The following ANKRD22 variants were observed in gnomAD, a reference collection of about 807,000 sequenced individuals.
ANKRD22 encodes the protein ankyrin repeat domain-containing protein 22.
Under a neutral mutation model 25.7 loss-of-function variants are expected in ANKRD22, and 24 were observed. The observed-to-expected ratio is 0.93, with a 90% confidence interval of 0.68 to 1.31. ANKRD22 has a LOEUF of 1.31. Among genes scored for constraint, ANKRD22 ranks in the 50% most tolerant of loss-of-function variants. ANKRD22 has a pLI of 0.00. For missense variants in ANKRD22, 214 were observed against 227.1 expected (o/e 0.94, Z 0.37); for synonymous variants, 84 against 84.3 (o/e 1.00, Z 0.02).
At position 88,822,940 on chromosome 10, in the gene ANKRD22, A is replaced by G; in HGVS notation, c.*1T>C. 1 of 1,606,788 alleles carries G rather than the reference A, an allele frequency of 6.2e-7. No individual in the cohort carries two copies. ...TATCTCCATCGGTGTGGTCACAAGG[A>G]TTACAATGCTTTCCTTAGCATTAAT... On this transcript the variant is annotated 3_prime_UTR_variant, in exon 6 of 6. Coordinates refer to ENST00000371930, the MANE Select transcript of ANKRD22 (RefSeq NM_144590.3).
At chr10:88,826,375 A>C (rs899364470) in intron 3 of ANKRD22, among the ~76,000 whole-genome samples, 1 of 152,154 alleles carries the variant, frequency 6.6e-6, no homozygotes, top group Non-Finnish European at 1.5e-5. Flanking sequence ...CCCCAAACCT[A>C]CCTAATTCCA....
intron 1 of ANKRD22, among the ~76,000 whole-genome samples, chr10:88,848,363 A>AT (rs1844073115): frequency 6.6e-6 from 1 of 151,968 alleles, no homozygotes; most frequent in South Asian, 2.1e-4. Context: ...GAAAGTTATC[A>AT]TTTTCTCTCT....
chr10:88,823,160 T>C, intron 5 of ANKRD22, 120 bp downstream of exon 5: 1 of 1,231,058 alleles, frequency 8.1e-7, no homozygotes. Context: ...CATTCCTTAA[T>C]GAGGATGATT....
At position 88,822,377 on chromosome 10, in the gene ANKRD22, T is replaced by C. The variant is rs1281159483; in HGVS notation, c.*564A>G. On this transcript the variant is annotated 3_prime_UTR_variant, in exon 6 of 6. Coordinates refer to ENST00000371930, the MANE Select transcript of ANKRD22 (RefSeq NM_144590.3). ...CATACGTATTTAATAATTTGATTCT[T>C]CTGCTCAATACTCAAAGGGGGCTGG... 1.3e-5 allele frequency: 2 copies of C among 152,064 alleles called. No homozygotes were observed. The highest frequency in any genetic ancestry group is 4.8e-5 in the African/African-American group (2 of 41,330). 9.4% of individuals were successfully genotyped at this position (152,064 alleles called of 1,614,324 possible).
chr10:88,838,824 G>A (rs746523331), intron 1 of ANKRD22, among the ~76,000 whole-genome samples: 9 of 152,168 alleles, frequency 5.9e-5, no homozygotes, highest in Non-Finnish European at 1.0e-4. Context: ...GCCACCATAA[G>A]AGAAGGTGTC....
At chr10:88,843,545 G>A (rs141803525) in intron 1 of ANKRD22, among the ~76,000 whole-genome samples, 14 of 152,248 alleles carry the variant, frequency 9.2e-5, no homozygotes, top group Non-Finnish European at 8.8e-5. Context: ...TTACTTTAGT[G>A]GCACCAATTA....
intron 1 of ANKRD22, among the ~76,000 whole-genome samples, chr10:88,844,835 T>A (rs1179461591): frequency 1.3e-5 from 2 of 152,150 alleles, no homozygotes; most frequent in African/African-American, 4.8e-5. Flanking sequence ...GTAGAAGGCA[T>A]ATACAAATAA....
intron 1 of ANKRD22, among the ~76,000 whole-genome samples, chr10:88,844,820 A>G (rs1167982394): frequency 6.6e-6 from 1 of 152,164 alleles, no homozygotes. Context: ...ATAAAAGCTT[A>G]TATTGTAGAA....
intron 4 of ANKRD22, among the ~76,000 whole-genome samples, chr10:88,824,749 A>C (rs1165496765): frequency 6.6e-6 from 1 of 152,218 alleles, no homozygotes; most frequent in African/African-American, 2.4e-5. Context: ...ATTGCTGAGA[A>C]AATATCCTAG....
At chr10:88,829,506 T>A (rs551375644) in intron 2 of ANKRD22, among the ~76,000 whole-genome samples, 27 of 152,376 alleles carry the variant, frequency 1.8e-4, no homozygotes, top group Non-Finnish European at 3.7e-4. Context: ...CAGAGTTAAC[T>A]GTTGACATTT....
intron 1 of ANKRD22, among the ~76,000 whole-genome samples, chr10:88,840,216 CCAGGCA>C (rs1247090131): frequency 6.6e-6 from 1 of 151,996 alleles, no homozygotes; most frequent in Middle Eastern, 3.2e-3. Flanking sequence ...TCTTACTTGC[CCAGGCA>C]CTAAAATTTA....
chr10:88,820,135 C>A lies in ANKRD22; in HGVS notation c.*2806G>T. 1 of 1,035,482 alleles carries A rather than the reference C, an allele frequency of 9.7e-7. No homozygotes were observed. Among genetic ancestry groups the A allele is most frequent in the Non-Finnish European group, 1.4e-6 (1 of 723,150 alleles). The allele number at this position is 1,035,482 out of a possible 1,614,324, so 64.1% of individuals were successfully genotyped here. A position where few individuals can be genotyped will look rare whatever the true frequency, so the allele number is the denominator to read the frequency against. ...TCTAACACCCATGTACCCTTCACCA[C>A]AACAGATGGCATGTTTATTATGTCT... On this transcript the variant is annotated 3_prime_UTR_variant, in exon 6 of 6. Transcript: ENST00000371930.
In ANKRD22 at chr10:88,822,543, G is replaced by GGTTTTTTTTTTTTTTTTTTTTTT. The variant is rs1491462149; in HGVS notation, c.*397_*398insAAAAAAAAAAAAAAAAAAAAAAC. 2 of 19,724 alleles carry GGTTTTTTTTTTTTTTTTTTTTTT rather than the reference G, an allele frequency of 1.0e-4. No individual in the cohort carries two copies. Among genetic ancestry groups the GGTTTTTTTTTTTTTTTTTTTTTT allele is most frequent in the African/African-American group, 3.5e-4 (1 of 2,856 alleles). The allele number at this position is 19,724 out of a possible 1,614,324, so 1.2% of individuals were successfully genotyped here. ...GAAAGACTGAGTTTGGAACACCAGG[G>GGTTTTTTTTTTTTTTTTTTTTTT]CTTTTTTTTTTTTTTTTTTTTTTGA... On this transcript the variant is annotated 3_prime_UTR_variant, in exon 6 of 6. Transcript: ENST00000371930.
chr10:88,851,830 A>G lies in ANKRD22; in HGVS notation c.-223T>C. On this transcript the variant is annotated 5_prime_UTR_variant, in exon 1 of 6. Coordinates refer to ENST00000371930, the MANE Select transcript of ANKRD22 (RefSeq NM_144590.3). ...GAGCCCAGCCCAATGAAACAAAGGC[A>G]CTGGTGTCATGTGTAACGACCCAAG... The G allele has an allele frequency of 1.8e-6, 1 of 564,084 alleles. No homozygotes were observed. The highest frequency in any genetic ancestry group is 3.2e-6 in the Non-Finnish European group (1 of 312,652). The allele number at this position is 564,084 out of a possible 1,614,324, so 34.9% of individuals were successfully genotyped here. A position where few individuals can be genotyped will look rare whatever the true frequency, so the allele number is the denominator to read the frequency against.
intron 2 of ANKRD22, among the ~76,000 whole-genome samples, 186 bp from the exon 3 acceptor site, chr10:88,828,852 T>C (rs1470563560): frequency 6.6e-6 from 1 of 152,054 alleles, no homozygotes; most frequent in South Asian, 2.1e-4. Context: ...CTCGGTCCAG[T>C]GTAAAGGAAA....
chr10:88,846,128 G>A (rs570266269), intron 1 of ANKRD22, among the ~76,000 whole-genome samples: 15 of 151,784 alleles, frequency 9.9e-5, no homozygotes, highest in South Asian at 4.2e-4. Context: ...TTTTTTTTGC[G>A]TATGTATGGT....
At chr10:88,847,765 T>TA (rs199918993) in intron 1 of ANKRD22, among the ~76,000 whole-genome samples, 1,723 of 148,606 alleles carry the variant, frequency 0.012, 15 homozygotes, top group African/African-American at 0.034. Context: ...AAAAACAAAA[T>TA]AAAAAAAAAC....
intron 3 of ANKRD22, among the ~76,000 whole-genome samples, chr10:88,827,192 A>T (rs1843863324): frequency 6.8e-6 from 1 of 147,596 alleles, no homozygotes; most frequent in African/African-American, 2.4e-5. Context: ...CACCTCCTAA[A>T]CTGCCTTTCT....
At chr10:88,846,611 C>A (rs1260789269) in intron 1 of ANKRD22, among the ~76,000 whole-genome samples, 1 of 152,138 alleles carries the variant, frequency 6.6e-6, no homozygotes, top group Non-Finnish European at 1.5e-5. Context: ...GTGACCCATG[C>A]CTTTTGTTAG....
Sources: gnomAD v4.1 joint callset for allele counts (sites outside exome capture counted in the v4.1 genomes callset) on GRCh38, gnomAD v4.1.1 for gene constraint, MANE v1.5 for transcripts, NCBI Gene and HGNC (gene_info 2026-07-23, HGNC 2026-07-21) for gene names.